ZNF521: variants seen among roughly 807,000 people sequenced by gnomAD.
ZNF521 encodes zinc finger protein 521.
A neutral mutation model predicts 105.5 loss-of-function variants in ZNF521; 14 were observed. The observed-to-expected ratio is 0.13, with a 90% CI of 0.09 to 0.21. The LOEUF is 0.21. Ranked by LOEUF, ZNF521 falls within the 10% of genes least tolerant of loss-of-function variation. The pLI is 1.00. For synonymous variants in ZNF521, 635 were observed against 606.0 expected (o/e 1.05, Z -0.70); for missense variants, 1,233 against 1,629.7 (o/e 0.76, Z 4.19).
chr18:25,181,091 A>C (rs1478018610), intron 5 of ZNF521, among the ~76,000 whole-genome samples: 1 of 152,152 alleles, frequency 6.6e-6, no homozygotes, highest in Non-Finnish European at 1.5e-5. Context: ...CTGATTCTGC[A>C]CCCACGGCAG....
chr18:25,092,475 G>A (rs4633802), intron 5 of ZNF521, among the ~76,000 whole-genome samples: 102,815 of 152,042 alleles, frequency 0.68, 35,413 homozygotes, highest in Non-Finnish European at 0.74. Context: ...CTTATCCAGA[G>A]GGTCCTGGAA....
intron 3 of ZNF521, among the ~76,000 whole-genome samples, chr18:25,268,789 T>C (rs1217448759): frequency 1.3e-5 from 2 of 151,922 alleles, no homozygotes; most frequent in Non-Finnish European, 2.9e-5. Flanking sequence ...GCACTAAACA[T>C]GGAAAGAAAC....
intron 7 of ZNF521, among the ~76,000 whole-genome samples, chr18:25,070,805 C>A (rs1372324589): frequency 6.6e-6 from 1 of 151,964 alleles, no homozygotes; most frequent in Admixed American, 6.6e-5. Context: ...AGGAACACTG[C>A]CTTATACTGT....
intron 7 of ZNF521, among the ~76,000 whole-genome samples, chr18:25,064,606 T>C (rs2033004041): frequency 6.6e-6 from 1 of 152,194 alleles, no homozygotes; most frequent in Non-Finnish European, 1.5e-5. Context: ...CATTGGAGTA[T>C]TTTAAGCAGA....
chr18:25,160,729 T>C (rs887544056), intron 5 of ZNF521, among the ~76,000 whole-genome samples: 2 of 152,250 alleles, frequency 1.3e-5, no homozygotes, highest in East Asian at 3.8e-4. Context: ...GATATTTCCA[T>C]TGCTTTTCAT....
In ZNF521 at chr18:25,312,612, A is replaced by C. The variant is rs569331952; in HGVS notation, c.220+9396T>G. ...TGGATCATGAGGTCAGGAGATCGAGACCATCCTGGCTAACAAGGTGAAACC... is the reference window on the plus strand; with the variant it reads ...TGGATCATGAGGTCAGGAGATCGAGCCCATCCTGGCTAACAAGGTGAAACC... On this transcript the variant is annotated intron_variant, in intron 3 of 7. Transcript: ENST00000361524. Among the ~76,000 whole-genome samples, 82 of 44,098 alleles carry C rather than the reference A, an allele frequency of 1.9e-3. 17 individuals carry two copies. In the East Asian group the frequency reaches 0.037, roughly 20 times the overall value. 28.9% of individuals were successfully genotyped at this position (44,098 alleles called of 152,430 possible).
At chr18:25,351,060 C>G (rs1914732491) in intron 1 of ZNF521, 113 bp from the exon 2 acceptor site, 9 of 713,144 alleles carry the variant, frequency 1.3e-5, no homozygotes, top group Non-Finnish European at 1.7e-5. Flanking sequence ...CGGCCTCCCT[C>G]GCGCCCTCGC....
chr18:25,137,441 T>C (rs886960502), intron 5 of ZNF521, among the ~76,000 whole-genome samples: 3 of 152,128 alleles, frequency 2.0e-5, no homozygotes, highest in Non-Finnish European at 1.5e-5. Context: ...CTCTGACAGT[T>C]CCTAACTGTA....
intron 5 of ZNF521, among the ~76,000 whole-genome samples, chr18:25,117,054 T>TAC (rs71167848): frequency 0.12 from 8,043 of 64,560 alleles, 383 homozygotes; most frequent in East Asian, 0.38. Flanking sequence ...CACATATATA[T>TAC]ACACACACAC....
intron 3 of ZNF521, chr18:25,301,803 T>A (rs1324962507): frequency 2.0e-5 from 3 of 152,136 alleles, no homozygotes; most frequent in East Asian, 3.9e-4. Flanking sequence ...TAGTTACAGA[T>A]AAATATCTGG....
intron 3 of ZNF521, among the ~76,000 whole-genome samples, chr18:25,301,673 A>C (rs775388491): frequency 5.5e-4 from 83 of 152,218 alleles, no homozygotes; most frequent in Non-Finnish European, 4.4e-4. Context: ...CTTCCTTCTT[A>C]GAAATTACCA....
intron 5 of ZNF521, chr18:25,136,653 A>G (rs1421263955): frequency 6.6e-6 from 1 of 152,260 alleles, no homozygotes; most frequent in Non-Finnish European, 1.5e-5. Flanking sequence ...GGGACACCAG[A>G]GTTAATCACT....
intron 3 of ZNF521, among the ~76,000 whole-genome samples, chr18:25,229,734 T>C (rs147680776): frequency 2.4e-4 from 36 of 152,318 alleles, no homozygotes; most frequent in Admixed American, 9.8e-4. Context: ...ATTTATCTTT[T>C]AGGCTTAAAT....
At chr18:25,119,102 AAT>A (rs1364311991) in intron 5 of ZNF521, among the ~76,000 whole-genome samples, 1 of 152,186 alleles carries the variant, frequency 6.6e-6, no homozygotes, top group African/African-American at 2.4e-5. Flanking sequence ...AGAGTTTCAA[AAT>A]ATATAAGGCA....
At chr18:25,077,840 G>A (rs1198569720) in intron 7 of ZNF521, among the ~76,000 whole-genome samples, 2 of 152,008 alleles carry the variant, frequency 1.3e-5, no homozygotes, top group African/African-American at 2.4e-5. Flanking sequence ...AGAGGGAGGC[G>A]GGGAGAATTA....
intron 4 of ZNF521, 200 bp downstream of exon 4, chr18:25,224,145 C>T (rs1905927010): frequency 1.7e-6 from 1 of 591,264 alleles, no homozygotes; most frequent in South Asian, 2.1e-5. Flanking sequence ...TCCTATTTTG[C>T]ACCATTCAAG....
intron 7 of ZNF521, among the ~76,000 whole-genome samples, chr18:25,068,150 G>A (rs2033119670): frequency 6.6e-6 from 1 of 152,206 alleles, no homozygotes; most frequent in Non-Finnish European, 1.5e-5. Flanking sequence ...CTAACTAGAT[G>A]AAATAGTAGG....
At chr18:25,124,572 C>T (rs2034504114) in intron 5 of ZNF521, among the ~76,000 whole-genome samples, 1 of 152,166 alleles carries the variant, frequency 6.6e-6, no homozygotes, top group African/African-American at 2.4e-5. Context: ...ACATTTCCCC[C>T]TTTTCTTGTC....
chr18:25,293,063 TTCCTAAG>T (rs1399394102), intron 3 of ZNF521, among the ~76,000 whole-genome samples: 1 of 152,176 alleles, frequency 6.6e-6, no homozygotes, highest in African/African-American at 2.4e-5. Flanking sequence ...TCTGCCTTTA[TTCCTAAG>T]TCAATATTTT....
Sources: allele counts gnomAD v4.1 joint callset (sites outside exome capture counted in the v4.1 genomes callset), GRCh38; gene constraint gnomAD v4.1.1; transcripts MANE v1.5; gene names NCBI Gene and HGNC (gene_info 2026-07-23, HGNC 2026-07-21).